Variants in ROBO1 observed in about 807,000 individuals in gnomAD.
ROBO1 encodes the protein roundabout guidance receptor 1.
ROBO1 carries 149 observed loss-of-function variants against 195.9 expected under a neutral mutation model. The ratio of observed to expected loss-of-function variants is 0.76; its 90% CI spans 0.67 to 0.87. The LOEUF is 0.87. ROBO1 is among the 40% of genes least tolerant of loss of function. ROBO1 has a pLI of 0.00. For missense variants in ROBO1, 1,933 were observed against 2,068.3 expected (o/e 0.93, Z 1.27); for synonymous variants, 816 against 733.2 (o/e 1.11, Z -1.82).
intron 2 of ROBO1, among the ~76,000 whole-genome samples, chr3:79,428,846 T>C (rs2107006222): frequency 6.6e-6 from 1 of 151,896 alleles, no homozygotes; most frequent in South Asian, 2.1e-4. Flanking sequence ...AAATACTCTA[T>C]GTTAAGTGAA....
chr3:78,711,394 C>CTTTCTTT (rs1491495795), intron 8 of ROBO1, among the ~76,000 whole-genome samples: 10 of 36,362 alleles, frequency 2.8e-4, no homozygotes, highest in South Asian at 1.3e-3. Context: ...TTCCTTCCTT[C>CTTTCTTT]CTTCCTTTCT....
chr3:79,422,106 G>T (rs1160311417), intron 2 of ROBO1, among the ~76,000 whole-genome samples: 1 of 146,768 alleles, frequency 6.8e-6, no homozygotes, highest in African/African-American at 2.5e-5. Flanking sequence ...AAATATTTTT[G>T]ATTATATATT....
chr3:79,499,404 A>T (rs1465460596), intron 2 of ROBO1, among the ~76,000 whole-genome samples: 1 of 152,246 alleles, frequency 6.6e-6, no homozygotes, highest in African/African-American at 2.4e-5. Flanking sequence ...TCTGTAAAGC[A>T]AACTAAAGCT....
intron 2 of ROBO1, among the ~76,000 whole-genome samples, chr3:79,561,830 A>C (rs1327225351): frequency 6.6e-6 from 1 of 152,136 alleles, no homozygotes. Flanking sequence ...CATAATACGA[A>C]TCACTGGGTT....
At chr3:79,372,491 G>T (rs373751074) in intron 2 of ROBO1, among the ~76,000 whole-genome samples, 54 of 152,204 alleles carry the variant, frequency 3.5e-4, no homozygotes, top group African/African-American at 3.9e-4. Flanking sequence ...TTACAGGAGT[G>T]AGCCACTGCG....
Position 78,670,265 on chromosome 3 carries a change from C to A in ROBO1, c.1379G>T (p.Gly460Val). The part of the protein sequence containing the change: ...ADRPPPVIRQ[G>V]PVNQTVAVDG... Reference sequence around the variant, plus strand: ...CACGGCTACAGTCTGATTCACAGGACCTTGTCGAATAACTGGGGGAGGCCG... The same window carrying A: ...CACGGCTACAGTCTGATTCACAGGAACTTGTCGAATAACTGGGGGAGGCCG... The change falls in exon 11 of 31, where the codon GGT becomes GTT. Residue 460 changes from glycine to valine, a missense_variant. Physicochemically the swap from Gly to Val is moderately radical, Grantham distance 109. This residue lies in a region of ROBO1 where 1,737 missense variants were observed against 1,882.5 expected (regional missense o/e 0.92). Transcript: ENST00000464233. 1.3e-6 allele frequency: 2 copies of A among 1,580,940 alleles called. No homozygotes were observed. Among genetic ancestry groups the A allele is most frequent in the Non-Finnish European group, 1.7e-6 (2 of 1,162,314 alleles).
intron 2 of ROBO1, among the ~76,000 whole-genome samples, chr3:79,313,517 C>T (rs575501486): frequency 1.3e-5 from 2 of 152,254 alleles, no homozygotes; most frequent in African/African-American, 4.8e-5. Context: ...TTTAGAAATC[C>T]CTTCCTTATG....
chr3:79,274,459 T>C (rs750898529), intron 2 of ROBO1, among the ~76,000 whole-genome samples: 3 of 151,860 alleles, frequency 2.0e-5, no homozygotes, highest in Non-Finnish European at 4.4e-5. Context: ...CAAATGATAA[T>C]GGAAACACAG....
At chr3:79,316,068 T>C (rs1260567804) in intron 2 of ROBO1, among the ~76,000 whole-genome samples, 1 of 152,154 alleles carries the variant, frequency 6.6e-6, no homozygotes, top group African/African-American at 2.4e-5. Flanking sequence ...CCCACAGTGA[T>C]TCAGAAGCAG....
chr3:78,876,847 A>C (rs78669261), intron 4 of ROBO1, among the ~76,000 whole-genome samples: 1 of 152,150 alleles, frequency 6.6e-6, no homozygotes, highest in Non-Finnish European at 1.5e-5. Context: ...ACTCTAAACC[A>C]AAGGTGTATC....
intron 2 of ROBO1, among the ~76,000 whole-genome samples, chr3:79,199,550 A>G (rs2081721287): frequency 6.6e-6 from 1 of 151,752 alleles, no homozygotes; most frequent in African/African-American, 2.4e-5. Context: ...TGAGTGGCTC[A>G]ATCTTTGATG....
At chr3:79,308,563 T>A (rs2033332830) in intron 2 of ROBO1, among the ~76,000 whole-genome samples, 1 of 152,138 alleles carries the variant, frequency 6.6e-6, no homozygotes, top group South Asian at 2.1e-4. Context: ...AAAGTTATAT[T>A]ACTCATGGAG....
chr3:79,494,562 GAAGA>G (rs1393401839), intron 2 of ROBO1, among the ~76,000 whole-genome samples: 1 of 152,018 alleles, frequency 6.6e-6, no homozygotes, highest in Non-Finnish European at 1.5e-5. Context: ...AAACAAAACA[GAAGA>G]AATACACATT....
chr3:79,293,909 T>C (rs895357158), intron 2 of ROBO1, among the ~76,000 whole-genome samples: 11 of 150,120 alleles, frequency 7.3e-5, no homozygotes, highest in Non-Finnish European at 1.5e-4. Context: ...ATACAAAAAA[T>C]TAGCCGGGCG....
intron 1 of ROBO1, among the ~76,000 whole-genome samples, chr3:79,689,440 A>C (rs982736689): frequency 3.3e-5 from 5 of 151,936 alleles, no homozygotes; most frequent in African/African-American, 1.2e-4. Context: ...TCATCATTAC[A>C]TTTAAGATCT....
At chr3:78,998,859 T>C (rs73122643) in intron 3 of ROBO1, among the ~76,000 whole-genome samples, 156 of 152,200 alleles carry the variant, frequency 1.0e-3, no homozygotes, top group Non-Finnish European at 2.0e-3. Flanking sequence ...GTTACCTACA[T>C]AAAAAGCATT....
At chr3:79,594,538 G>A (rs1944103726) in intron 1 of ROBO1, among the ~76,000 whole-genome samples, 1 of 151,996 alleles carries the variant, frequency 6.6e-6, no homozygotes, top group African/African-American at 2.4e-5. Context: ...TAAGTTATAA[G>A]TGTATGGAAG....
chr3:78,718,753 T>C (rs566713303), intron 5 of ROBO1, among the ~76,000 whole-genome samples: 250 of 146,784 alleles, frequency 1.7e-3, no homozygotes, highest in Non-Finnish European at 2.6e-3. Flanking sequence ...AGAGGTTTTT[T>C]ACCTCATAGT....
intron 1 of ROBO1, among the ~76,000 whole-genome samples, chr3:79,602,119 T>A (rs1944356868): frequency 6.6e-6 from 1 of 151,996 alleles, no homozygotes; most frequent in South Asian, 2.1e-4. Flanking sequence ...GCCTAGTCAA[T>A]CTTAGCAATT....
Sources: gnomAD v4.1 joint callset for allele counts (sites outside exome capture counted in the v4.1 genomes callset) on GRCh38, gnomAD v4.1.1 for gene constraint, gnomAD v4.1.1 regional missense constraint, MANE v1.5 for transcripts, NCBI Gene and HGNC (gene_info 2026-07-23, HGNC 2026-07-21) for gene names.